Variants in ZMYM3 observed in about 807,000 individuals in gnomAD.
ZMYM3 encodes the protein zinc finger MYM-type protein 3.
In ZMYM3, 6 loss-of-function variants were observed where a neutral mutation model predicts 94.2. The observed-to-expected ratio is 0.06, with a 90% CI of 0.03 to 0.13. ZMYM3 has a LOEUF of 0.13. Among genes scored for constraint, ZMYM3 ranks in the 10% least tolerant of loss-of-function variants. The probability of loss-of-function intolerance (pLI) is 1.00; values close to 1 mark genes in which losing one functional copy is unlikely to be tolerated. For missense variants in ZMYM3, 664 were observed against 1,132.6 expected, an observed-to-expected ratio of 0.59 and a Z score of 5.94; for synonymous variants, 420 against 426.5, an observed-to-expected ratio of 0.98 and a Z score of 0.19.
chrX:71,247,706 G>C (rs754023747), intron 12 of ZMYM3, 28 bp downstream of exon 12: 2 of 1,197,486 alleles, frequency 1.7e-6, no homozygotes, highest in South Asian at 3.7e-5. Flanking sequence ...CCTCTTTCCC[G>C]CCTCGCTCGC....
intron 3 of ZMYM3, 139 bp from the exon 4 acceptor site, chrX:71,251,383 A>T: frequency 1.1e-6 from 1 of 911,968 alleles, no homozygotes; most frequent in South Asian, 2.3e-5. Context: ...GGAGGAGGGA[A>T]GAAAAGGAGG....
chrX:71,250,010 C>G lies in ZMYM3; in HGVS notation c.1251+16G>C, dbSNP rs765860390. The G allele has an allele frequency of 8.6e-7, 1 of 1,158,061 alleles. No homozygotes were observed. Among genetic ancestry groups the G allele is most frequent in the East Asian group, 3.0e-5 (1 of 33,151 alleles). On this transcript the variant is annotated intron_variant, in intron 6 of 24. Coordinates refer to ENST00000314425, the MANE Select transcript of ZMYM3 (RefSeq NM_201599.3). The stretch of plus-strand genomic sequence containing the variant: ...TGGCCAGGCTCTGTAAATCAGCCCC[C>G]ACTGAGTGTCCTCACCTCTCCAGTC...
rs757628846 is a variant in ZMYM3, at chrX:71,248,390, A to G, written c.1824+48T>C. 4 of 1,195,070 alleles carry G rather than the reference A, an allele frequency of 3.3e-6. No individual in the cohort carries two copies. The African/African-American group carries it at 7.1e-5, about 21-fold the overall frequency. On this transcript the variant is annotated intron_variant, in intron 10 of 24. Coordinates refer to ENST00000314425, the MANE Select transcript of ZMYM3 (RefSeq NM_201599.3). ...AGGGGCCAAGTGGAAGGACCCCTTCAGACAGTCTGGTCGTGTGGCAAGACG... is the reference window on the plus strand; with the variant it reads ...AGGGGCCAAGTGGAAGGACCCCTTCGGACAGTCTGGTCGTGTGGCAAGACG...
rs781558954 is a variant in ZMYM3, at chrX:71,253,094, C to T, written c.162G>A (p.Ser54=). The T allele has an allele frequency of 5.8e-6, 7 of 1,200,179 alleles. No homozygotes were observed. Among genetic ancestry groups the T allele is most frequent in the Middle Eastern group, 2.3e-4 (1 of 4,308 alleles). Residue 54 remains serine (S), a synonymous_variant, in exon 2 of 25, where the codon TCG becomes TCA. Coordinates refer to ENST00000314425, the MANE Select transcript of ZMYM3 (RefSeq NM_201599.3). ...GWAPPGPSPS[S]GALDLLDTPA... ...GGGTATCAAGCAGGTCCAGGGCTCCCGAGGATGGAGAAGGGCCAGGGGGGG... is the reference window on the plus strand; with the variant it reads ...GGGTATCAAGCAGGTCCAGGGCTCCTGAGGATGGAGAAGGGCCAGGGGGGG...
In ZMYM3 at chrX:71,246,490, G is replaced by A. The variant is rs1289779210; in HGVS notation, c.2435C>T (p.Ala812Val). 6 of 1,164,274 alleles carry A rather than the reference G, an allele frequency of 5.2e-6. No homozygotes were observed. The South Asian group carries it at 9.8e-5, about 19-fold the overall frequency. The change falls in exon 15 of 25, where the codon GCT becomes GTT. Residue 812 changes from alanine to valine, a missense_variant. Ala to Val is a moderately conservative substitution (Grantham distance 64). Transcript: ENST00000314425. ...LGKIPVKTRS[A>V]PTAPTPPPPP... ...GGGTGGAGGGGTGGGAGCAGTGGGA[G>A]CTGATCGGGTCTTCACAGGGATCTG... is the stretch of plus-strand genomic sequence containing the variant.
intron 2 of ZMYM3, 122 bp from the exon 3 acceptor site, chrX:71,251,723 T>G: frequency 2.5e-5 from 26 of 1,030,949 alleles, no homozygotes; most frequent in South Asian, 2.9e-5. Context: ...AAAACTCGAG[T>G]GCCTGTGGCT....
chrX:71,240,880 A>G lies in ZMYM3; in HGVS notation c.*36T>C. ...TGAGGGACATGGCCACAGGACAGAC[A>G]TTGATGTGAAAGATGGATATGGATG... On this transcript the variant is annotated 3_prime_UTR_variant, in exon 25 of 25. Coordinates refer to ENST00000314425, the MANE Select transcript of ZMYM3 (RefSeq NM_201599.3). The G allele has an allele frequency of 8.4e-7, 1 of 1,189,656 alleles. No homozygotes were observed. Among genetic ancestry groups the G allele is most frequent in the Non-Finnish European group, 1.1e-6 (1 of 878,787 alleles).
Position 71,245,408 on chromosome X carries a change from C to T in ZMYM3, c.2938G>A (p.Ala980Thr). The T allele has an allele frequency of 8.3e-7, 1 of 1,211,647 alleles. No individual in the cohort carries two copies. Among genetic ancestry groups the T allele is most frequent in the Non-Finnish European group, 1.1e-6 (1 of 895,464 alleles). The change falls in exon 18 of 25, where the codon GCC becomes ACC. Residue 980 changes from alanine (A) to threonine (T), a missense_variant. Transcript: ENST00000314425. Reference sequence around the variant, plus strand: ...ACATTGGCCATCTTGACTGCCATGGCCAGGACATCATCTCGAGCAGGCCCA... The same window carrying T: ...ACATTGGCCATCTTGACTGCCATGGTCAGGACATCATCTCGAGCAGGCCCA... The part of the protein sequence containing the change: ...LFGPARDDVL[A>T]MAVKMANVLD...
chrX:71,241,153 A>G, intron 24 of ZMYM3, 45 bp from the exon 25 acceptor site: 1 of 1,194,890 alleles, frequency 8.4e-7, no homozygotes, highest in Non-Finnish European at 1.1e-6. Flanking sequence ...GGCAGGACAG[A>G]AGATCAGTAC....
intron 8 of ZMYM3, 89 bp from the exon 9 acceptor site, chrX:71,248,890 G>A (rs975793405): frequency 3.3e-5 from 36 of 1,101,164 alleles, no homozygotes; most frequent in East Asian, 1.9e-4. Context: ...TGTAAGAGAC[G>A]AACAGAAAAT....
In ZMYM3 at chrX:71,246,442, C is replaced by A; in HGVS notation, c.2483G>T (p.Arg828Leu). The A allele has an allele frequency of 3.4e-6, 1 of 294,133 alleles. No individual in the cohort carries two copies. The highest frequency in any genetic ancestry group is 4.4e-6 in the Non-Finnish European group (1 of 227,981). 24.2% of individuals were successfully genotyped at this position (294,133 alleles called of 1,213,427 possible). Residue 828 changes from arginine to leucine, a missense_variant, in exon 15 of 25, where the codon CGC becomes CTC. Arg to Leu is a moderately radical substitution (Grantham distance 102, BLOSUM62 -2). Coordinates refer to ENST00000314425, the MANE Select transcript of ZMYM3 (RefSeq NM_201599.3). Reference protein sequence around the residue: ...PPPPPPPATPRKNKAAMCKPL... With the variant: ...PPPPPPPATPLKNKAAMCKPL... ...CTTACACATGGCAGCCTTGTTTTTG[C>A]GGGGTGTTGCTGGGGGTGGTGGGGG...
chrX:71,250,843 G>A, intron 4 of ZMYM3, 117 bp from the exon 5 acceptor site: 1 of 748,182 alleles, frequency 1.3e-6, no homozygotes, highest in Non-Finnish European at 1.9e-6. Context: ...TTTACACCCT[G>A]GCCCTTGTTA....
chrX:71,250,789 A>G (rs2030423645), intron 4 of ZMYM3, 63 bp from the exon 5 acceptor site: 1 of 1,056,679 alleles, frequency 9.5e-7, no homozygotes, highest in Admixed American at 2.8e-5. Flanking sequence ...CCATCCCCTG[A>G]CCAACAGTTC....
intron 21 of ZMYM3, 151 bp from the exon 22 acceptor site, chrX:71,243,235 A>AG: frequency 2.1e-6 from 1 of 477,355 alleles, no homozygotes; most frequent in Non-Finnish European, 3.6e-6. Context: ...GCTTTCCCCC[A>AG]GGTATACCCA....
upstream of ZMYM3, chrX:71,254,644 C>T (rs1260765563): frequency 1.8e-5 from 2 of 108,534 alleles, no homozygotes; most frequent in Non-Finnish European, 3.9e-5. Flanking sequence ...GTCCGCCCCC[C>T]TCAATAGTCC....
chrX:71,249,969 A>G, intron 6 of ZMYM3, 57 bp downstream of exon 6: 2 of 1,121,358 alleles, frequency 1.8e-6, no homozygotes, highest in Non-Finnish European at 2.4e-6. Context: ...CCAGGATGGG[A>G]GGGGCAGGTC....
intron 7 of ZMYM3, 130 bp from the exon 8 acceptor site, chrX:71,249,299 AT>A (rs751601741): frequency 2.9e-4 from 329 of 1,151,270 alleles, no homozygotes; most frequent in Middle Eastern, 9.7e-4. Flanking sequence ...AGACCTGTGT[AT>A]CCACCAGCCA....
rs145160532 is a variant in ZMYM3, at chrX:71,240,835, G to T, written c.*81C>A. 5.6e-3 allele frequency: 5,868 copies of T among 1,048,839 alleles called. 31 individuals are homozygous for T. Among genetic ancestry groups the T allele is most frequent in the South Asian group, 0.024 (1,147 of 47,217 alleles). The allele number at this position is 1,048,839 out of a possible 1,213,427, so 86.4% of individuals were successfully genotyped here. A position where few individuals can be genotyped will look rare whatever the true frequency, so the allele number is the denominator to read the frequency against. The stretch of plus-strand genomic sequence containing the variant: ...AGGGCCCTTCAGAATGAGTAGCATT[G>T]GTTCCTGGGCCTGTCACCCTGAGGG... On this transcript the variant is annotated 3_prime_UTR_variant, in exon 25 of 25. Coordinates refer to ENST00000314425, the MANE Select transcript of ZMYM3 (RefSeq NM_201599.3).
rs994008359 is a variant in ZMYM3, at chrX:71,251,151, G to A, written c.778+27C>T. 5 of 1,203,360 alleles carry A rather than the reference G, an allele frequency of 4.2e-6. No individual in the cohort carries two copies. In the African/African-American group the frequency reaches 7.1e-5, roughly 17 times the overall value. On this transcript the variant is annotated intron_variant, in intron 4 of 24. Coordinates refer to ENST00000314425, the MANE Select transcript of ZMYM3 (RefSeq NM_201599.3). ...ACCTTTTCCACACCCAGAACTCCCA[G>A]GTCACACTTCCTCAAATCCTACTTA...
Sources: gnomAD v4.1 joint callset for allele counts on GRCh38, gnomAD v4.1.1 for gene constraint, MANE v1.5 for transcripts, NCBI Gene and HGNC (gene_info 2026-07-23, HGNC 2026-07-21) for gene names.